Variants in LRP1B observed in about 807,000 individuals in gnomAD.
LRP1B encodes LDL receptor related protein 1B.
LRP1B carries 217 observed loss-of-function variants against 556.6 expected under a neutral mutation model. That is an observed-to-expected ratio of 0.39 (90% CI 0.35 to 0.44). LRP1B has a LOEUF of 0.44. Among genes scored for constraint, LRP1B ranks in the 20% least tolerant of loss-of-function variants. The probability of loss-of-function intolerance (pLI) is 1.00; values close to 1 mark genes in which losing one functional copy is unlikely to be tolerated. For missense variants in LRP1B, 5,053 were observed against 5,620.8 expected, an observed-to-expected ratio of 0.90 and a Z score of 3.23; for synonymous variants, 2,047 against 1,865.8, an observed-to-expected ratio of 1.10 and a Z score of -2.50.
At chr2:140,424,963 T>C (rs1685593572) in intron 66 of LRP1B, among the ~76,000 whole-genome samples, 1 of 152,168 alleles carries the variant, frequency 6.6e-6, no homozygotes, top group South Asian at 2.1e-4. Context: ...TTAATAACAT[T>C]GCTTATTTTA....
chr2:141,517,273 G>C (rs11904458), intron 2 of LRP1B, among the ~76,000 whole-genome samples: 60,058 of 149,594 alleles, frequency 0.4, 13,441 homozygotes, highest in Non-Finnish European at 0.5. Context: ...CACACACACA[G>C]ACACACACAC....
chr2:140,595,121 T>TATATAC (rs1682388729), intron 43 of LRP1B, among the ~76,000 whole-genome samples: 1 of 100,394 alleles, frequency 1.0e-5, no homozygotes, highest in African/African-American at 4.8e-5. Context: ...TATATATATA[T>TATATAC]ATATATATAT....
intron 3 of LRP1B, among the ~76,000 whole-genome samples, chr2:141,274,526 G>T (rs914393129): frequency 2.0e-5 from 3 of 152,156 alleles, no homozygotes; most frequent in Admixed American, 6.6e-5. Context: ...AAAGTAGAAT[G>T]GTTGTTCCTA....
intron 1 of LRP1B, among the ~76,000 whole-genome samples, chr2:142,066,441 G>C (rs1202976572): frequency 1.3e-5 from 2 of 151,370 alleles, no homozygotes; most frequent in African/African-American, 4.8e-5. Context: ...CATAATTGCA[G>C]CACACAATTC....
chr2:141,312,741 T>C (rs1290132880), intron 3 of LRP1B, among the ~76,000 whole-genome samples: 1 of 151,872 alleles, frequency 6.6e-6, no homozygotes, highest in Non-Finnish European at 1.5e-5. Context: ...CAGTCTGGAG[T>C]ACAGTGGCAC....
intron 67 of LRP1B, among the ~76,000 whole-genome samples, chr2:140,384,555 ATATTCAGGG>A (rs1365302631): frequency 2.0e-5 from 3 of 152,224 alleles, no homozygotes; most frequent in Non-Finnish European, 4.4e-5. Context: ...AAAAGTTTCT[ATATTCAGGG>A]TATTCTGTAA....
Position 140,601,505 on chromosome 2 carries a change from T to C in LRP1B, c.6934A>G (p.Ile2312Val). Residue 2312 changes from isoleucine (I) to valine (V), a missense_variant, in exon 42 of 91, where the codon ATC becomes GTC. Coordinates refer to ENST00000389484, the MANE Select transcript of LRP1B (RefSeq NM_018557.3). ...RPGAFDREAVITMSEDDHPHV... is the reference protein window; with the variant it reads ...RPGAFDREAVVTMSEDDHPHV... ...GGATGGTCATCTTCTGACATGGTGATGACAGCTTCCCTGTCAAATGCTCCA... is the reference window on the plus strand; with the variant it reads ...GGATGGTCATCTTCTGACATGGTGACGACAGCTTCCCTGTCAAATGCTCCA... 3.1e-6 allele frequency: 5 copies of C among 1,613,190 alleles called. No individual in the cohort carries two copies. Among genetic ancestry groups the C allele is most frequent in the African/African-American group, 1.3e-5 (1 of 75,004 alleles).
At chr2:141,013,296 A>G (rs927517698) in intron 14 of LRP1B, among the ~76,000 whole-genome samples, 37 of 152,128 alleles carry the variant, frequency 2.4e-4, no homozygotes, top group Admixed American at 1.2e-3. Context: ...TTCAATGAAA[A>G]TCACATGAAG....
intron 35 of LRP1B, among the ~76,000 whole-genome samples, chr2:140,719,846 C>A (rs1272315082): frequency 6.6e-6 from 1 of 151,840 alleles, no homozygotes. Flanking sequence ...ACATTGATAC[C>A]CAAATCCCTT....
At chr2:141,463,322 A>C (rs1410280220) in intron 3 of LRP1B, among the ~76,000 whole-genome samples, 1 of 151,836 alleles carries the variant, frequency 6.6e-6, no homozygotes, top group African/African-American at 2.4e-5. Flanking sequence ...GGAAATATTT[A>C]TGTTTGCTTT....
intron 1 of LRP1B, among the ~76,000 whole-genome samples, chr2:142,037,125 A>G (rs1282801370): frequency 6.6e-6 from 1 of 151,624 alleles, no homozygotes; most frequent in African/African-American, 2.4e-5. Flanking sequence ...GAAATGGTCA[A>G]AACAAAGACA....
chr2:140,444,946 A>C (rs1202503464), intron 63 of LRP1B, among the ~76,000 whole-genome samples: 1 of 152,250 alleles, frequency 6.6e-6, no homozygotes, highest in East Asian at 1.9e-4. Flanking sequence ...TTTAAAAAAC[A>C]TATAAAAGTC....
In LRP1B at chr2:140,667,116, G is replaced by T. The variant is rs915308774; in HGVS notation, c.6799+33134C>A. On this transcript the variant is annotated intron_variant, in intron 41 of 90. Transcript: ENST00000389484. ...GCGCATTGGCATGCTGTGACCCTAC[G>T]TAACATCTGCTTGCTGCTTGATGAG... 1.2e-4 allele frequency among the ~76,000 whole-genome samples: 19 copies of T among 152,144 alleles called. 1 individual carries two copies. Among genetic ancestry groups the T allele is most frequent in the Admixed American group, 5.9e-4 (9 of 15,278 alleles).
chr2:141,794,349 C>T (rs1300256303), intron 2 of LRP1B, among the ~76,000 whole-genome samples: 1 of 151,806 alleles, frequency 6.6e-6, no homozygotes, highest in East Asian at 1.9e-4. Flanking sequence ...TTTTGTAAAA[C>T]CTAAATCCCT....
At chr2:142,017,065 C>T (rs1311686273) in intron 1 of LRP1B, among the ~76,000 whole-genome samples, 1 of 151,306 alleles carries the variant, frequency 6.6e-6, no homozygotes, top group Non-Finnish European at 1.5e-5. Flanking sequence ...AGTGAGATGG[C>T]TTTGTTATGC....
intron 1 of LRP1B, among the ~76,000 whole-genome samples, chr2:142,072,603 T>G (rs1197606450): frequency 6.6e-6 from 1 of 151,992 alleles, no homozygotes; most frequent in Admixed American, 6.6e-5. Flanking sequence ...TGATTTTTTT[T>G]GTTTAGCTCA....
intron 7 of LRP1B, among the ~76,000 whole-genome samples, chr2:141,082,768 C>G (rs1200754159): frequency 6.6e-6 from 1 of 152,068 alleles, no homozygotes; most frequent in Non-Finnish European, 1.5e-5. Flanking sequence ...GTTTGTGATT[C>G]TGAACATGTA....
At chr2:140,958,223 G>A (rs902727336) in intron 18 of LRP1B, among the ~76,000 whole-genome samples, 5 of 151,352 alleles carry the variant, frequency 3.3e-5, no homozygotes, top group African/African-American at 1.2e-4. Context: ...AATATCTTTA[G>A]ATATTTTTAA....
Position 141,031,251 on chromosome 2 carries a change from TCA to T in LRP1B, c.1790-11151_1790-11150del, listed in dbSNP as rs72098612. 7.7e-4 allele frequency among the ~76,000 whole-genome samples: 94 copies of T among 121,622 alleles called. 2 individuals carry two copies. In the Admixed American group the frequency reaches 8.0e-3, roughly 10 times the overall value. 79.8% of individuals were successfully genotyped at this position (121,622 alleles called of 152,430 possible). A position where few individuals can be genotyped will look rare whatever the true frequency, so the allele number is the denominator to read the frequency against. On this transcript the variant is annotated intron_variant, in intron 11 of 90. Transcript: ENST00000389484. ...CTATATATAATGGCATATATACATA[TCA>T]CACACACACACACACACACACACAC...
Sources: allele counts gnomAD v4.1 joint callset (sites outside exome capture counted in the v4.1 genomes callset), GRCh38; gene constraint gnomAD v4.1.1; transcripts MANE v1.5; gene names NCBI Gene and HGNC (gene_info 2026-07-23, HGNC 2026-07-21).